The following KCNB2 variants were observed in gnomAD, a reference collection of about 807,000 sequenced individuals.
KCNB2 encodes delayed rectifier potassium channel protein.
In KCNB2, 15 loss-of-function variants were observed where a neutral mutation model predicts 61.5. The ratio of observed to expected loss-of-function variants is 0.24; its 90% CI spans 0.16 to 0.38. The LOEUF (loss-of-function observed/expected upper bound fraction) is 0.38, where lower values mean the gene tolerates loss of function less well. KCNB2 is among the 10% of genes least tolerant of loss of function. KCNB2 has a pLI of 1.00. For synonymous variants in KCNB2, 457 were observed against 446.0 expected (o/e 1.02, Z -0.31); for missense variants, 828 against 1,125.2 (o/e 0.74, Z 3.78).
intron 2 of KCNB2, among the ~76,000 whole-genome samples, chr8:72,897,672 G>A (rs1403701138): frequency 2.6e-5 from 4 of 152,090 alleles, no homozygotes; most frequent in Non-Finnish European, 5.9e-5. Context: ...TCCCAAATTC[G>A]TTAATTCATA....
chr8:72,575,858 G>T (rs1487388351), intron 2 of KCNB2, among the ~76,000 whole-genome samples: 1 of 152,120 alleles, frequency 6.6e-6, no homozygotes, highest in Non-Finnish European at 1.5e-5. Flanking sequence ...ATTAACAAAT[G>T]ACAATCCTAT....
rs187092077 is a variant in KCNB2 at position 72,709,685 on chromosome 8, G to A, written c.579+141372G>A. Among the ~76,000 whole-genome samples, 1,139 of 152,034 alleles carry A rather than the reference G, an allele frequency of 7.5e-3. 8 individuals carry two copies. Among genetic ancestry groups the A allele is most frequent in the Non-Finnish European group, 0.012 (846 of 67,972 alleles). Reference sequence around the variant, plus strand: ...AAGCCATTCATGAGGGATCCACCCCGCTGATCCAGTCACCTCCCACCAGGC... The same window carrying A: ...AAGCCATTCATGAGGGATCCACCCCACTGATCCAGTCACCTCCCACCAGGC... On this transcript the variant is annotated intron_variant, in intron 2 of 2. Transcript: ENST00000523207.
chr8:72,631,682 A>C (rs181399014), intron 2 of KCNB2, among the ~76,000 whole-genome samples: 71 of 152,344 alleles, frequency 4.7e-4, no homozygotes, highest in Non-Finnish European at 5.9e-5. Context: ...TTAAATTTTT[A>C]AATTGTCACA....
chr8:72,679,614 T>C (rs1394123842), intron 2 of KCNB2, among the ~76,000 whole-genome samples: 1 of 152,238 alleles, frequency 6.6e-6, no homozygotes, highest in East Asian at 1.9e-4. Flanking sequence ...CCTTGGAGTT[T>C]TTATTATGTT....
chr8:72,764,973 C>A (rs1808439137), intron 2 of KCNB2, among the ~76,000 whole-genome samples: 1 of 152,152 alleles, frequency 6.6e-6, no homozygotes, highest in Non-Finnish European at 1.5e-5. Flanking sequence ...GACAAATATT[C>A]TTTTAAGTTG....
intron 2 of KCNB2, among the ~76,000 whole-genome samples, chr8:72,894,156 C>A (rs1805948723): frequency 6.6e-6 from 1 of 152,098 alleles, no homozygotes; most frequent in Non-Finnish European, 1.5e-5. Flanking sequence ...ATCCAAATGA[C>A]AAGGAGGAGC....
intron 2 of KCNB2, among the ~76,000 whole-genome samples, chr8:72,689,983 T>G (rs1439959675): frequency 6.6e-6 from 1 of 151,958 alleles, no homozygotes; most frequent in East Asian, 1.9e-4. Context: ...ACTATTAGTT[T>G]TCCTGAAATT....
intron 2 of KCNB2, among the ~76,000 whole-genome samples, chr8:72,707,067 T>C (rs2251966): frequency 0.72 from 110,191 of 152,146 alleles, 41,151 homozygotes; most frequent in African/African-American, 0.9. Context: ...TAATGGGATA[T>C]GTAGGAACCA....
At chr8:72,577,456 C>A (rs551145349) in intron 2 of KCNB2, among the ~76,000 whole-genome samples, 1 of 152,272 alleles carries the variant, frequency 6.6e-6, no homozygotes, top group South Asian at 2.1e-4. Context: ...AGAATAGATG[C>A]AACTTTGTCA....
intron 2 of KCNB2, among the ~76,000 whole-genome samples, chr8:72,932,755 A>G (rs572844395): frequency 3.3e-5 from 5 of 152,322 alleles, no homozygotes; most frequent in African/African-American, 1.2e-4. Flanking sequence ...CATAAGTGCC[A>G]TAAGAGCTTG....
chr8:72,790,697 A>T (rs983280316), intron 2 of KCNB2, among the ~76,000 whole-genome samples: 4 of 152,080 alleles, frequency 2.6e-5, no homozygotes, highest in African/African-American at 9.7e-5. Flanking sequence ...CAATATCCTA[A>T]TTTTTCAGGT....
intron 2 of KCNB2, among the ~76,000 whole-genome samples, chr8:72,694,726 G>C (rs905110108): frequency 2.0e-5 from 3 of 151,918 alleles, no homozygotes; most frequent in African/African-American, 7.2e-5. Context: ...ACAATTAATG[G>C]TAGTGGTTGT....
intron 2 of KCNB2, among the ~76,000 whole-genome samples, chr8:72,586,242 A>G (rs775396353): frequency 3.3e-5 from 5 of 152,228 alleles, no homozygotes; most frequent in African/African-American, 7.2e-5. Flanking sequence ...CCGTGTGTCA[A>G]CTCCACTTTG....
At chr8:72,814,263 G>T (rs1809353241) in intron 2 of KCNB2, among the ~76,000 whole-genome samples, 1 of 152,130 alleles carries the variant, frequency 6.6e-6, no homozygotes, top group Non-Finnish European at 1.5e-5. Context: ...CATTTAAACA[G>T]CTTCCAGTTT....
intron 2 of KCNB2, among the ~76,000 whole-genome samples, chr8:72,708,021 G>T (rs1175166749): frequency 6.6e-6 from 1 of 152,148 alleles, no homozygotes; most frequent in Non-Finnish European, 1.5e-5. Context: ...TGTATAGAGA[G>T]GCCCAGACAG....
chr8:72,748,333 T>A (rs1285276931), intron 2 of KCNB2, among the ~76,000 whole-genome samples: 1 of 152,170 alleles, frequency 6.6e-6, no homozygotes, highest in Non-Finnish European at 1.5e-5. Context: ...TCATTCAGCC[T>A]TGTTCTATCA....
intron 2 of KCNB2, among the ~76,000 whole-genome samples, chr8:72,728,598 GATATA>G (rs939733175): frequency 2.0e-5 from 3 of 152,114 alleles, no homozygotes; most frequent in Non-Finnish European, 4.4e-5. Flanking sequence ...AGATATCTAT[GATATA>G]ATATATAATG....
At chr8:72,855,648 A>G (rs1367415276) in intron 2 of KCNB2, among the ~76,000 whole-genome samples, 2 of 152,146 alleles carry the variant, frequency 1.3e-5, no homozygotes, top group African/African-American at 2.4e-5. Flanking sequence ...TTTTTTTTCT[A>G]TATCTCCAAG....
chr8:72,675,479 A>T (rs1714386291), intron 2 of KCNB2, among the ~76,000 whole-genome samples: 2 of 151,460 alleles, frequency 1.3e-5, no homozygotes, highest in African/African-American at 4.9e-5. Flanking sequence ...CCTGACATTA[A>T]TGGGAGGCTT....
Sources: allele counts gnomAD v4.1 joint callset (sites outside exome capture counted in the v4.1 genomes callset), GRCh38; gene constraint gnomAD v4.1.1; transcripts MANE v1.5; gene names NCBI Gene and HGNC (gene_info 2026-07-23, HGNC 2026-07-21).